MYO10: variants seen among roughly 807,000 people sequenced by gnomAD.
MYO10 encodes myosin X.
Under a neutral mutation model 257.3 loss-of-function variants are expected in MYO10, and 133 were observed. The observed-to-expected ratio is 0.52, with a 90% CI of 0.45 to 0.60. MYO10 has a LOEUF of 0.60. Ranked by LOEUF, MYO10 falls within the 20% of genes least tolerant of loss-of-function variation. MYO10 has a pLI of 0.00. For missense variants in MYO10, 2,399 were observed against 2,635.7 expected (o/e 0.91, Z 1.97); for synonymous variants, 1,104 against 1,028.6 (o/e 1.07, Z -1.40).
intron 2 of MYO10, among the ~76,000 whole-genome samples, chr5:16,839,321 T>A (rs182928093): frequency 1.3e-5 from 2 of 152,268 alleles, no homozygotes; most frequent in Admixed American, 6.5e-5. Flanking sequence ...CCAACCCTCA[T>A]GTATGACATT....
At chr5:16,688,188 G>A (rs2126515861) in intron 28 of MYO10, among the ~76,000 whole-genome samples, 1 of 152,290 alleles carries the variant, frequency 6.6e-6, no homozygotes, top group South Asian at 2.1e-4. Flanking sequence ...ACAGAATGAT[G>A]GGCTATAATT....
At chr5:16,744,433 G>C (rs530602970) in intron 19 of MYO10, among the ~76,000 whole-genome samples, 77 of 152,274 alleles carry the variant, frequency 5.1e-4, no homozygotes, top group African/African-American at 1.8e-3. Flanking sequence ...TTGATCTATT[G>C]TATCGGTGGC....
chr5:16,825,697 T>C (rs1580044359), intron 2 of MYO10, among the ~76,000 whole-genome samples: 1 of 152,108 alleles, frequency 6.6e-6, no homozygotes, highest in East Asian at 1.9e-4. Context: ...AAAGGCAGAG[T>C]GGACAGCCGG....
chr5:16,762,244 T>G, intron 15 of MYO10, 131 bp from the exon 16 acceptor site: 1 of 1,203,826 alleles, frequency 8.3e-7, no homozygotes, highest in South Asian at 1.8e-5. Flanking sequence ...TGGATCTGCG[T>G]TTCAGGACAC....
intron 2 of MYO10, among the ~76,000 whole-genome samples, chr5:16,857,988 G>A (rs919961482): frequency 1.3e-5 from 2 of 152,192 alleles, no homozygotes; most frequent in Non-Finnish European, 2.9e-5. Flanking sequence ...CTTTAGATCA[G>A]GCTTGGCAAA....
intron 1 of MYO10, among the ~76,000 whole-genome samples, chr5:16,909,591 G>A (rs757039799): frequency 6.6e-6 from 1 of 151,306 alleles, no homozygotes; most frequent in Non-Finnish European, 1.5e-5. Flanking sequence ...CCCTGCCCCC[G>A]TGATTCAATT....
rs568155135 is a variant in MYO10, at chr5:16,881,587, T to C, written c.22-3880A>G. On this transcript the variant is annotated intron_variant, in intron 1 of 40. Transcript: ENST00000513610. ...TGTCTTCCACAGGTGGGAAGGGAAA[T>C]GCATTCAAAACACCCCCTTTGTTCT... Among the ~76,000 whole-genome samples, 24 of 152,332 alleles carry C rather than the reference T, an allele frequency of 1.6e-4. No individual in the cohort carries two copies. The South Asian group carries it at 4.8e-3, about 30-fold the overall frequency.
intron 3 of MYO10, among the ~76,000 whole-genome samples, chr5:16,816,750 G>T (rs529415220): frequency 1.3e-5 from 2 of 151,424 alleles, no homozygotes; most frequent in Admixed American, 6.6e-5. Context: ...AGGATGGTCC[G>T]ATCTCTTGAT....
chr5:16,765,366 G>T (rs1740833468), intron 11 of MYO10, among the ~76,000 whole-genome samples: 1 of 152,142 alleles, frequency 6.6e-6, no homozygotes, highest in South Asian at 2.1e-4. Context: ...TAGAACATCG[G>T]ACTCCAAGTT....
Position 16,702,603 on chromosome 5 carries a change from G to C in MYO10, c.2511-15C>G. 1 of 1,569,108 alleles carries C rather than the reference G, an allele frequency of 6.4e-7. No individual in the cohort carries two copies. Among genetic ancestry groups the C allele is most frequent in the South Asian group, 1.2e-5 (1 of 85,000 alleles). On this transcript the variant is annotated splice_polypyrimidine_tract_variant and intron_variant, in intron 23 of 40. Transcript: ENST00000513610. Reference sequence around the variant, plus strand: ...TCTCTCTTTCTCTAAAAATAGTAAAGGAAAAGTGAAAATCAACAACAATAA... The same window carrying C: ...TCTCTCTTTCTCTAAAAATAGTAAACGAAAAGTGAAAATCAACAACAATAA...
chr5:16,913,757 C>T lies in MYO10; in HGVS notation c.21+22031G>A, dbSNP rs570837975. On this transcript the variant is annotated intron_variant, in intron 1 of 40. Transcript: ENST00000513610. ...GAGAACCAGGATACGTAAGTATGAG[C>T]TGAAGTTCAGAAATAAGGCCAGCAA... is the stretch of plus-strand genomic sequence containing the variant. Among the ~76,000 whole-genome samples the T allele has an allele frequency of 3.9e-5, 6 of 152,242 alleles. No individual in the cohort carries two copies. In the East Asian group the frequency reaches 1.2e-3, roughly 29 times the overall value.
chr5:16,837,567 T>C (rs1743351871), intron 2 of MYO10, among the ~76,000 whole-genome samples: 1 of 152,210 alleles, frequency 6.6e-6, no homozygotes, highest in African/African-American at 2.4e-5. Flanking sequence ...TGCACAACTC[T>C]GTAAATACAC....
At chr5:16,727,708 A>T (rs1739425536) in intron 19 of MYO10, among the ~76,000 whole-genome samples, 1 of 152,184 alleles carries the variant, frequency 6.6e-6, no homozygotes, top group Non-Finnish European at 1.5e-5. Flanking sequence ...AAAGATTCCT[A>T]GGACATTAAC....
At chr5:16,758,562 T>C (rs1740602473) in intron 17 of MYO10, among the ~76,000 whole-genome samples, 2 of 152,174 alleles carry the variant, frequency 1.3e-5, no homozygotes, top group South Asian at 4.1e-4. Context: ...AAGTGAGTTA[T>C]TAGTTTTGCC....
At chr5:16,728,243 C>A (rs917214150) in intron 19 of MYO10, among the ~76,000 whole-genome samples, 1 of 152,144 alleles carries the variant, frequency 6.6e-6, no homozygotes, top group African/African-American at 2.4e-5. Flanking sequence ...CTGCACACGG[C>A]CAGGGTCGCT....
At chr5:16,796,483 G>GAAAAGA (rs1553997269) in intron 3 of MYO10, among the ~76,000 whole-genome samples, 6 of 136,966 alleles carry the variant, frequency 4.4e-5, no homozygotes, top group African/African-American at 8.2e-5. Flanking sequence ...GAAAAGAAAA[G>GAAAAGA]AAAGAAAGAA....
chr5:16,911,552 T>A (rs1358345280), intron 1 of MYO10, among the ~76,000 whole-genome samples: 1 of 152,098 alleles, frequency 6.6e-6, no homozygotes, highest in African/African-American at 2.4e-5. Context: ...GCCAACATGC[T>A]GAAACCTCGT....
chr5:16,891,382 G>A (rs865856521), intron 1 of MYO10, among the ~76,000 whole-genome samples: 55 of 106,900 alleles, frequency 5.1e-4, no homozygotes, highest in Admixed American at 2.6e-3. Flanking sequence ...GAAGGAAGGA[G>A]AGAGAGAGGA....
At chr5:16,671,799 T>A (rs1360863328) in intron 37 of MYO10, among the ~76,000 whole-genome samples, 1 of 152,234 alleles carries the variant, frequency 6.6e-6, no homozygotes, top group Non-Finnish European at 1.5e-5. Context: ...CGCATTCGAA[T>A]TAGTACCAGC....
Sources: allele counts gnomAD v4.1 joint callset (sites outside exome capture counted in the v4.1 genomes callset), GRCh38; gene constraint gnomAD v4.1.1; transcripts MANE v1.5; gene names NCBI Gene and HGNC (gene_info 2026-07-23, HGNC 2026-07-21).